PPP6R1: variants seen among roughly 807,000 people sequenced by gnomAD.
PPP6R1 encodes protein phosphatase 6 regulatory subunit 1.
PPP6R1 carries 39 observed loss-of-function variants against 104.6 expected under a neutral mutation model. That is an observed-to-expected ratio of 0.37 (90% CI 0.29 to 0.49). The LOEUF is 0.49. Ranked by LOEUF, PPP6R1 falls within the 20% of genes least tolerant of loss-of-function variation. The pLI, the probability that PPP6R1 is intolerant of heterozygous loss-of-function variation, is 0.98. For synonymous variants in PPP6R1, 549 were observed against 479.0 expected, an observed-to-expected ratio of 1.15 and a Z score of -1.91; for missense variants, 1,181 against 1,155.8, an observed-to-expected ratio of 1.02 and a Z score of -0.32.
rs1383666685 is a variant in PPP6R1, at chr19:55,239,406, T to C, written c.1750A>G (p.Asn584Asp). The C allele has an allele frequency of 1.9e-6, 3 of 1,612,836 alleles. No homozygotes were observed. The highest frequency in any genetic ancestry group is 1.7e-6 in the Non-Finnish European group (2 of 1,179,066). Residue 584 changes from asparagine (N) to aspartate (D), a missense_variant and splice_region_variant, in exon 15 of 24, where the codon AAC becomes GAC. By Grantham distance (23) the Asn-to-Asp change is conservative (BLOSUM62 1). This residue lies in a region of PPP6R1 where 1,042 missense variants were observed against 955.6 expected (regional missense o/e 1.09). Transcript: ENST00000412770. ...EEFGEQEESV[N>D]APFDKTANIT... The stretch of plus-strand genomic sequence containing the variant: ...TGACCCTGCGCAGGAGACACTCACT[T>C]CACACTCTCCTCCTGCTCCCCAAAC...
intron 1 of PPP6R1, among the ~76,000 whole-genome samples, chr19:55,252,445 C>T (rs528173638): frequency 6.7e-6 from 1 of 149,822 alleles, no homozygotes; most frequent in South Asian, 2.1e-4. Flanking sequence ...GTCACCCAGG[C>T]TGGAGTGCAG....
rs764221527 is a variant in PPP6R1 at position 55,232,150 on chromosome 19, C to T, written c.2050G>A (p.Glu684Lys). 31 of 1,583,176 alleles carry T rather than the reference C, an allele frequency of 2.0e-5. No individual in the cohort carries two copies. Among genetic ancestry groups the T allele is most frequent in the Middle Eastern group, 1.7e-4 (1 of 6,006 alleles). ...CGGGCTGCACAGCCAATGCCCTCCTCGTCTTCCTCCTCCTCCTCGTCCTCC... is the reference window on the plus strand; with the variant it reads ...CGGGCTGCACAGCCAATGCCCTCCTTGTCTTCCTCCTCCTCCTCGTCCTCC... ...EEEDEEEEEDEEGIGCAARGG... is the reference protein window; with the variant it reads ...EEEDEEEEEDKEGIGCAARGG... The change falls in exon 18 of 24, where the codon GAG becomes AAG. Residue 684 changes from glutamate (E) to lysine (K), a missense_variant. By Grantham distance (56) the Glu-to-Lys change is moderately conservative. This residue lies in a region of PPP6R1 where 1,042 missense variants were observed against 955.6 expected (regional missense o/e 1.09). Transcript: ENST00000412770.
At chr19:55,256,967 G>C (rs1053978003) in intron 1 of PPP6R1, among the ~76,000 whole-genome samples, 4 of 151,240 alleles carry the variant, frequency 2.6e-5, no homozygotes, top group Non-Finnish European at 5.9e-5. Flanking sequence ...GGAACAACTT[G>C]TCCAAGGTCT....
At chr19:55,249,882 C>T (rs1209444169) in intron 1 of PPP6R1, among the ~76,000 whole-genome samples, 3 of 152,248 alleles carry the variant, frequency 2.0e-5, no homozygotes, top group African/African-American at 2.4e-5. Flanking sequence ...CATGAGTACC[C>T]GCACCTGCTC....
chr19:55,255,621 T>C (rs10424537), intron 1 of PPP6R1: 62,117 of 152,178 alleles, frequency 0.41, 13,242 homozygotes, highest in Middle Eastern at 0.49. Context: ...TGCCGAGTGA[T>C]TCCCACTCTG....
In PPP6R1 at chr19:55,241,395, C is replaced by T; in HGVS notation, c.1009-4G>A. On this transcript the variant is annotated splice_polypyrimidine_tract_variant and splice_region_variant and intron_variant, in intron 8 of 23. Transcript: ENST00000412770. The surrounding 1 kb of genome is among the most constrained non-coding windows in gnomAD (Gnocchi z 5.4). ...ATGTCATCTGTAGCGGCTCCAGCTG[C>T]AGACACAGGGAGGCCTGATTCCCAA... The T allele has an allele frequency of 6.2e-7, 1 of 1,605,984 alleles. No individual in the cohort carries two copies. Among genetic ancestry groups the T allele is most frequent in the Non-Finnish European group, 8.5e-7 (1 of 1,176,262 alleles).
intron 1 of PPP6R1, among the ~76,000 whole-genome samples, chr19:55,254,502 C>T (rs573341460): frequency 4.6e-4 from 70 of 152,280 alleles, no homozygotes; most frequent in Middle Eastern, 3.4e-3. Flanking sequence ...AGAGCCATCC[C>T]CACTGCTGCA....
chr19:55,242,540 G>A, intron 5 of PPP6R1, 52 bp from the exon 6 acceptor site: 7 of 1,463,634 alleles, frequency 4.8e-6, no homozygotes, highest in Non-Finnish European at 4.8e-6. Flanking sequence ...CGGGCCCTCT[G>A]CAGCCTGGTG....
rs539547725 is a variant in PPP6R1 at position 55,241,721 on chromosome 19, G to A, written c.846-82C>T. The A allele has an allele frequency of 1.0e-5, 15 of 1,430,246 alleles. No homozygotes were observed. In the Admixed American group the frequency reaches 1.1e-4, roughly 10 times the overall value. 88.6% of individuals were successfully genotyped at this position (1,430,246 alleles called of 1,614,324 possible). On this transcript the variant is annotated intron_variant, in intron 7 of 23. Transcript: ENST00000412770. This position sits in a 1 kb window ranked among gnomAD's most constrained non-coding sequence, Gnocchi z 5.4. ...AGGAGTAGGCACAAGGACCACGTCTGCAGGGTCTGGAGGAAAACGAGGAGC... is the reference window on the plus strand; with the variant it reads ...AGGAGTAGGCACAAGGACCACGTCTACAGGGTCTGGAGGAAAACGAGGAGC...
At position 55,241,438 on chromosome 19, in the gene PPP6R1, T is replaced by C. The variant is rs2087456465; in HGVS notation, c.1008+39A>G. ...ATTCCCAAGGGCTGCCCTTCCTGCTTCCCCCGCCTCCCCGAGGACCAGAAC... is the reference window on the plus strand; with the variant it reads ...ATTCCCAAGGGCTGCCCTTCCTGCTCCCCCCGCCTCCCCGAGGACCAGAAC... On this transcript the variant is annotated intron_variant, in intron 8 of 23. Coordinates refer to ENST00000412770, the MANE Select transcript of PPP6R1 (RefSeq NM_014931.4). The surrounding 1 kb of genome is among the most constrained non-coding windows in gnomAD (Gnocchi z 5.4). 1 of 1,593,772 alleles carries C rather than the reference T, an allele frequency of 6.3e-7. No individual in the cohort carries two copies. Among genetic ancestry groups the C allele is most frequent in the Middle Eastern group, 1.7e-4 (1 of 5,922 alleles).
chr19:55,229,043 A>G, downstream of PPP6R1: 1 of 342,558 alleles, frequency 2.9e-6, no homozygotes. Context: ...CCCAACAATC[A>G]GAAGAGATGG....
At chr19:55,240,425 G>A (rs2087442227) in intron 10 of PPP6R1, 125 bp from the exon 11 acceptor site, 2 of 960,156 alleles carry the variant, frequency 2.1e-6, no homozygotes, top group Admixed American at 2.1e-5. Flanking sequence ...CCAGAGACGG[G>A]GATGGGAAGG....
rs1027547616 is a variant in PPP6R1, at chr19:55,258,747, G to C, written c.-319C>G. The C allele has an allele frequency of 3.9e-5, 6 of 151,992 alleles. No individual in the cohort carries two copies. The highest frequency in any genetic ancestry group is 1.2e-4 in the African/African-American group (5 of 41,408). 9.4% of individuals were successfully genotyped at this position (151,992 alleles called of 1,614,324 possible). On this transcript the variant is annotated 5_prime_UTR_variant, in exon 1 of 24. Coordinates refer to ENST00000412770, the MANE Select transcript of PPP6R1 (RefSeq NM_014931.4). ...GAGGTGGGCGTGCGGGCCGAGGCGG[G>C]TTGGCGAGCCGGGTCGCGAGGCCCA...
Position 55,230,082 on chromosome 19 carries a change from T to G in PPP6R1, c.*446A>C. 6.2e-6 allele frequency: 1 copy of G among 161,250 alleles called. No individual in the cohort carries two copies. The highest frequency in any genetic ancestry group is 1.4e-5 in the Non-Finnish European group (1 of 73,672). The allele number at this position is 161,250 out of a possible 1,614,324, so 10.0% of individuals were successfully genotyped here. On this transcript the variant is annotated 3_prime_UTR_variant, in exon 24 of 24. Coordinates refer to ENST00000412770, the MANE Select transcript of PPP6R1 (RefSeq NM_014931.4). Reference sequence around the variant, plus strand: ...GGTGGACCTGAGCTAAAAGGCCGGGTGTGGGCGTGGCCGTCTGCGCTGCAG... The same window carrying G: ...GGTGGACCTGAGCTAAAAGGCCGGGGGTGGGCGTGGCCGTCTGCGCTGCAG...
chr19:55,258,269 G>A (rs535391342), intron 1 of PPP6R1, among the ~76,000 whole-genome samples, 166 bp downstream of exon 1: 1 of 152,314 alleles, frequency 6.6e-6, no homozygotes, highest in East Asian at 1.9e-4. Flanking sequence ...CGAGGGGGAA[G>A]AAACGGGGTG....
intron 15 of PPP6R1, among the ~76,000 whole-genome samples, chr19:55,237,554 C>T (rs138823133): frequency 2.5e-4 from 38 of 152,256 alleles, no homozygotes; most frequent in African/African-American, 6.5e-4. Flanking sequence ...CCACGTGTTA[C>T]GGACAGTTCA....
Position 55,232,205 on chromosome 19 carries a change from T to C in PPP6R1, c.1995A>G (p.Gly665=). 1 of 1,546,626 alleles carries C rather than the reference T, an allele frequency of 6.5e-7. No homozygotes were observed. The highest frequency in any genetic ancestry group is 8.7e-7 in the Non-Finnish European group (1 of 1,143,932). The change falls in exon 18 of 24, where the codon GGA becomes GGG. Residue 665 remains glycine, a synonymous_variant. Coordinates refer to ENST00000412770, the MANE Select transcript of PPP6R1 (RefSeq NM_014931.4). ...CTTCGTCCTCACTGTCTGTGCTGCC[T>C]CCACTCCTGCCCCAGAAACCACCTC... ...RLGQPPGVRS[G]GSTDSEDEEE... is the part of the protein sequence containing the mutation.
intron 1 of PPP6R1, among the ~76,000 whole-genome samples, chr19:55,248,627 T>C (rs1285275991): frequency 3.9e-5 from 6 of 152,192 alleles, no homozygotes; most frequent in African/African-American, 1.4e-4. Context: ...TCATTCCCTC[T>C]GCACAGGCCT....
intron 15 of PPP6R1, among the ~76,000 whole-genome samples, chr19:55,237,624 C>A (rs902897606): frequency 5.9e-5 from 9 of 152,184 alleles, no homozygotes; most frequent in African/African-American, 2.2e-4. Flanking sequence ...GGATAAAGGA[C>A]AGTTAATTCT....
Sources: allele counts gnomAD v4.1 joint callset (sites outside exome capture counted in the v4.1 genomes callset), GRCh38; gene constraint gnomAD v4.1.1; regional missense constraint gnomAD v4.1.1; non-coding constraint Gnocchi (gnomAD v3.1); transcripts MANE v1.5; gene names NCBI Gene and HGNC (gene_info 2026-07-23, HGNC 2026-07-21).